Variants in GRIK1 observed in about 807,000 individuals in gnomAD.
GRIK1 encodes glutamate receptor ionotropic, kainate 1.
GRIK1 carries 69 observed loss-of-function variants against 105.7 expected under a neutral mutation model. That is an observed-to-expected ratio of 0.65 (90% confidence interval 0.54 to 0.80). GRIK1 has a LOEUF of 0.80. Ranked by LOEUF, GRIK1 falls within the 30% of genes least tolerant of loss-of-function variation. GRIK1 has a pLI of 0.00. For missense variants in GRIK1, 1,109 were observed against 1,167.3 expected (o/e 0.95, Z 0.73); for synonymous variants, 438 against 431.3 (o/e 1.02, Z -0.19).
At chr21:29,645,044 T>C (rs2062590209) in intron 6 of GRIK1, among the ~76,000 whole-genome samples, 1 of 152,254 alleles carries the variant, frequency 6.6e-6, no homozygotes, top group African/African-American at 2.4e-5. Context: ...CACCAAGTTA[T>C]TGGTCTGATG....
intron 1 of GRIK1, among the ~76,000 whole-genome samples, chr21:29,849,589 G>T (rs1225225186): frequency 6.6e-6 from 1 of 152,154 alleles, no homozygotes; most frequent in African/African-American, 2.4e-5. Flanking sequence ...AGGAGGAAAG[G>T]CCAATAAAAG....
intron 1 of GRIK1, among the ~76,000 whole-genome samples, chr21:29,928,045 C>T (rs557747102): frequency 2.6e-5 from 4 of 152,240 alleles, no homozygotes; most frequent in Admixed American, 2.6e-4. Context: ...CTGGGCCACA[C>T]TGGAAGACGA....
intron 1 of GRIK1, among the ~76,000 whole-genome samples, chr21:29,846,951 C>A (rs1432060497): frequency 6.6e-6 from 1 of 152,066 alleles, no homozygotes; most frequent in Non-Finnish European, 1.5e-5. Context: ...ATACACATGT[C>A]AAGATTTCAT....
intron 1 of GRIK1, chr21:29,761,396 C>T (rs1179433039): frequency 6.6e-6 from 1 of 152,148 alleles, no homozygotes; most frequent in Non-Finnish European, 1.5e-5. Context: ...GTGAATGCAG[C>T]AAAATACCCT....
intron 1 of GRIK1, among the ~76,000 whole-genome samples, chr21:29,896,533 A>ATGAGTATT (rs2070168870): frequency 1.3e-5 from 2 of 152,222 alleles, no homozygotes; most frequent in South Asian, 4.1e-4. Context: ...CAAAAAATGT[A>ATGAGTATT]TTTTGAATGA....
intron 1 of GRIK1, among the ~76,000 whole-genome samples, chr21:29,792,611 T>G (rs1225277830): frequency 1.3e-5 from 2 of 152,210 alleles, no homozygotes; most frequent in Non-Finnish European, 2.9e-5. Context: ...TAATTATGAT[T>G]TAACTACAAC....
At chr21:29,850,048 C>A (rs2068256157) in intron 1 of GRIK1, among the ~76,000 whole-genome samples, 1 of 152,184 alleles carries the variant, frequency 6.6e-6, no homozygotes, top group African/African-American at 2.4e-5. Flanking sequence ...CTGTGCAAAT[C>A]TTAAAATAGC....
rs543193562 is a variant in GRIK1 at position 29,859,408 on chromosome 21, A to AT, written c.118+79974_118+79975insA. ...ATAAAATGAAATAAAAAAACAAAAA[A>AT]AAATAAATTGTAAGAAGGCTCAAGA... is the stretch of plus-strand genomic sequence containing the variant. On this transcript the variant is annotated intron_variant, in intron 1 of 17. Transcript: ENST00000327783. Among the ~76,000 whole-genome samples the AT allele has an allele frequency of 2.4e-4, 37 of 152,024 alleles. No homozygotes were observed. The South Asian group carries it at 5.2e-3, about 21-fold the overall frequency.
At chr21:29,829,646 T>C (rs953466472) in intron 1 of GRIK1, among the ~76,000 whole-genome samples, 2 of 152,212 alleles carry the variant, frequency 1.3e-5, no homozygotes, top group African/African-American at 4.8e-5. Flanking sequence ...AATGAGCTGA[T>C]GCAGATGAAT....
intron 1 of GRIK1, among the ~76,000 whole-genome samples, chr21:29,846,344 C>T (rs1389293259): frequency 6.8e-6 from 1 of 146,538 alleles, no homozygotes; most frequent in Admixed American, 6.9e-5. Context: ...GCCGAGATCA[C>T]ACCATTACAC....
intron 1 of GRIK1, among the ~76,000 whole-genome samples, chr21:29,867,936 AAGAG>A (rs779607832): frequency 0.049 from 5,353 of 110,004 alleles, 309 homozygotes; most frequent in African/African-American, 0.11. Flanking sequence ...AAGAGAGAGA[AAGAG>A]AGAGAGAAAG....
intron 1 of GRIK1, among the ~76,000 whole-genome samples, chr21:29,934,490 G>A (rs552291002): frequency 9.2e-4 from 140 of 152,080 alleles, no homozygotes; most frequent in African/African-American, 3.2e-3. Flanking sequence ...GTTCATGTTA[G>A]GACAAATACA....
Position 29,730,861 on chromosome 21 carries a change from A to G in GRIK1, c.119-36798T>C, listed in dbSNP as rs577300850. ...AAAATTCATTAAAAATGAAATTAAAAGATAAAATAAAAATATAAACCTTAT... is the reference window on the plus strand; with the variant it reads ...AAAATTCATTAAAAATGAAATTAAAGGATAAAATAAAAATATAAACCTTAT... On this transcript the variant is annotated intron_variant, in intron 1 of 17. Transcript: ENST00000327783. Among the ~76,000 whole-genome samples the G allele has an allele frequency of 9.1e-4, 139 of 152,336 alleles. 1 individual carries two copies. Among genetic ancestry groups the G allele is most frequent in the African/African-American group, 3.1e-3 (130 of 41,582 alleles).
chr21:29,674,977 C>A (rs1427752438), intron 3 of GRIK1, among the ~76,000 whole-genome samples: 2 of 152,170 alleles, frequency 1.3e-5, no homozygotes, highest in African/African-American at 4.8e-5. Flanking sequence ...ACTTCCACAG[C>A]CACGTCATGA....
intron 3 of GRIK1, among the ~76,000 whole-genome samples, chr21:29,680,861 G>A (rs1220429294): frequency 1.3e-5 from 2 of 152,202 alleles, no homozygotes; most frequent in Non-Finnish European, 2.9e-5. Context: ...CAGGCTGGGC[G>A]TGGTGGCTCA....
At chr21:29,807,273 C>T (rs1221690123) in intron 1 of GRIK1, among the ~76,000 whole-genome samples, 1 of 152,088 alleles carries the variant, frequency 6.6e-6, no homozygotes, top group Non-Finnish European at 1.5e-5. Context: ...TGCCCCTTCC[C>T]TGTGGCGGCT....
intron 1 of GRIK1, among the ~76,000 whole-genome samples, chr21:29,785,073 A>T (rs1467492689): frequency 6.6e-6 from 1 of 152,212 alleles, no homozygotes; most frequent in East Asian, 1.9e-4. Flanking sequence ...AACAATTCAG[A>T]AATGGTTCCC....
intron 1 of GRIK1, among the ~76,000 whole-genome samples, chr21:29,882,355 A>C (rs763121028): frequency 6.6e-6 from 1 of 152,082 alleles, no homozygotes; most frequent in Non-Finnish European, 1.5e-5. Flanking sequence ...ACATTTACTA[A>C]TATAGAACCT....
At chr21:29,708,982 C>A (rs1293627024) in intron 1 of GRIK1, among the ~76,000 whole-genome samples, 2 of 152,070 alleles carry the variant, frequency 1.3e-5, no homozygotes, top group East Asian at 3.9e-4. Context: ...TTTGAAATAT[C>A]TTGACGTGTG....
Sources: gnomAD v4.1 joint callset for allele counts (sites outside exome capture counted in the v4.1 genomes callset) on GRCh38, gnomAD v4.1.1 for gene constraint, MANE v1.5 for transcripts, NCBI Gene and HGNC (gene_info 2026-07-23, HGNC 2026-07-21) for gene names.